The following HDAC9 variants were observed in gnomAD, a reference collection of about 807,000 sequenced individuals.
HDAC9 encodes the protein histone deacetylase 9.
In HDAC9, 41 loss-of-function variants were observed where a neutral mutation model predicts 139.4. The ratio of observed to expected loss-of-function variants is 0.29; its 90% confidence interval spans 0.23 to 0.38. The LOEUF (loss-of-function observed/expected upper bound fraction) is 0.38, where lower values mean the gene tolerates loss of function less well. Among genes scored for constraint, HDAC9 ranks in the 10% least tolerant of loss-of-function variants. HDAC9 has a pLI of 1.00. For synonymous variants in HDAC9, 517 were observed against 476.2 expected, an observed-to-expected ratio of 1.09 and a Z score of -1.12; for missense variants, 1,147 against 1,297.0, an observed-to-expected ratio of 0.88 and a Z score of 1.78.
chr7:18,219,826 A>G (rs935419103), intron 2 of HDAC9, among the ~76,000 whole-genome samples: 4 of 152,244 alleles, frequency 2.6e-5, no homozygotes, highest in Admixed American at 1.3e-4. Context: ...AAGTAAGTTT[A>G]ACAGTGAGAG....
chr7:18,285,791 G>C (rs1797407871), upstream of HDAC9, among the ~76,000 whole-genome samples: 1 of 152,034 alleles, frequency 6.6e-6, no homozygotes, highest in Non-Finnish European at 1.5e-5. Context: ...TCCAGTGGTA[G>C]TTTTTCTCAT....
chr7:18,890,556 T>C (rs1800592696), intron 22 of HDAC9, among the ~76,000 whole-genome samples: 1 of 152,244 alleles, frequency 6.6e-6, no homozygotes, highest in Non-Finnish European at 1.5e-5. Flanking sequence ...CTTCTTCATT[T>C]AGTAAGCATT....
chr7:18,579,724 C>G (rs1453435525), intron 2 of HDAC9, among the ~76,000 whole-genome samples: 1 of 151,972 alleles, frequency 6.6e-6, no homozygotes, highest in Non-Finnish European at 1.5e-5. Flanking sequence ...TTTATAGCAC[C>G]TTTTTCAGTG....
chr7:18,460,788 CAAAAA>C (rs750144894), intron 1 of HDAC9, among the ~76,000 whole-genome samples: 1 of 45,310 alleles, frequency 2.2e-5, no homozygotes, highest in Admixed American at 2.2e-4. Context: ...AACTCTGTCT[CAAAAA>C]AAAAAAAAAA....
In HDAC9 at chr7:18,998,992, A is replaced by C. The variant is rs559780335; in HGVS notation, c.*2930A>C. The stretch of plus-strand genomic sequence containing the variant: ...ATTAAATAGTAACCAAAATGGACTC[A>C]AATAAAACCAGAGGCTATGTTACCA... On this transcript the variant is annotated 3_prime_UTR_variant, in exon 26 of 26. Coordinates refer to ENST00000686413, the MANE Select transcript of HDAC9 (RefSeq NM_178425.4). 6.6e-6 allele frequency: 1 copy of C among 152,322 alleles called. No homozygotes were observed. Among genetic ancestry groups the C allele is most frequent in the East Asian group, 1.9e-4 (1 of 5,186 alleles). 9.4% of individuals were successfully genotyped at this position (152,322 alleles called of 1,614,324 possible).
At chr7:18,940,259 T>TAA (rs1781935729) in intron 23 of HDAC9, among the ~76,000 whole-genome samples, 1 of 152,214 alleles carries the variant, frequency 6.6e-6, no homozygotes, top group South Asian at 2.1e-4. Context: ...TTCTTCTTTT[T>TAA]AAATATCTTT....
intron 24 of HDAC9, among the ~76,000 whole-genome samples, chr7:18,963,590 AATAG>A (rs1380126078): frequency 2.6e-5 from 4 of 152,198 alleles, no homozygotes; most frequent in African/African-American, 4.8e-5. Flanking sequence ...AAATAATGAT[AATAG>A]ATAAAGAGTA....
In HDAC9 at chr7:18,105,834, C is replaced by G. The variant is rs189030568; in HGVS notation, c.-97+18621C>G. On this transcript the variant is annotated intron_variant, in intron 1 of 12. Transcript: ENST00000417496. Reference sequence around the variant, plus strand: ...AAAGTGGAAACAACCCAAATGTTTACCACCTGGTGAATAGATAAACAAAAT... The same window carrying G: ...AAAGTGGAAACAACCCAAATGTTTAGCACCTGGTGAATAGATAAACAAAAT... Among the ~76,000 whole-genome samples, 6 of 152,060 alleles carry G rather than the reference C, an allele frequency of 3.9e-5. No individual in the cohort carries two copies. In the South Asian group the frequency reaches 1.2e-3, roughly 32 times the overall value.
intron 1 of HDAC9, among the ~76,000 whole-genome samples, chr7:18,407,293 A>G (rs1018716703): frequency 2.6e-5 from 4 of 152,194 alleles, no homozygotes; most frequent in African/African-American, 9.7e-5. Flanking sequence ...CTTGGACCCA[A>G]GAGTCATTTG....
intron 1 of HDAC9, among the ~76,000 whole-genome samples, chr7:18,351,326 A>G (rs1002285883): frequency 1.3e-5 from 2 of 152,092 alleles, no homozygotes; most frequent in African/African-American, 4.8e-5. Flanking sequence ...ACTTGGTAAA[A>G]TTTGCAGTAA....
At chr7:18,260,903 G>T (rs530071948) in intron 2 of HDAC9, among the ~76,000 whole-genome samples, 47 of 152,190 alleles carry the variant, frequency 3.1e-4, no homozygotes, top group Non-Finnish European at 6.2e-4. Flanking sequence ...ATAAAGAGCT[G>T]TGTATGGAGA....
At chr7:18,480,742 T>G (rs1303475476) in intron 1 of HDAC9, among the ~76,000 whole-genome samples, 1 of 152,114 alleles carries the variant, frequency 6.6e-6, no homozygotes, top group African/African-American at 2.4e-5. Flanking sequence ...TAAAGTGATG[T>G]TGGTTCTTAA....
chr7:18,879,112 A>G (rs1366580373), intron 22 of HDAC9, among the ~76,000 whole-genome samples: 1 of 152,140 alleles, frequency 6.6e-6, no homozygotes, highest in Non-Finnish European at 1.5e-5. Flanking sequence ...GGGAGGTGAA[A>G]CATCTCTACA....
At chr7:18,809,904 G>A (rs1026950284) in intron 17 of HDAC9, among the ~76,000 whole-genome samples, 9 of 151,988 alleles carry the variant, frequency 5.9e-5, no homozygotes, top group Non-Finnish European at 1.3e-4. Context: ...GGATCTTCAA[G>A]TGTCATCTGC....
At position 18,767,134 on chromosome 7, in the gene HDAC9, A is replaced by G; in HGVS notation, c.2193A>G (p.Ser731=). 1.3e-6 allele frequency: 2 copies of G among 1,579,180 alleles called. No homozygotes were observed. The highest frequency in any genetic ancestry group is 1.7e-6 in the Non-Finnish European group (2 of 1,159,158). Residue 731 remains serine, a synonymous_variant, in exon 16 of 26, where the codon TCA becomes TCG. Coordinates refer to ENST00000686413, the MANE Select transcript of HDAC9 (RefSeq NM_178425.4). ...LGDDSQKFFS[S]LPCGGLGVDS... Reference sequence around the variant, plus strand: ...ATGACTCTCAAAAGTTTTTTTCCTCATTACCTTGTGGTGGACTTGGGGTAA... The same window carrying G: ...ATGACTCTCAAAAGTTTTTTTCCTCGTTACCTTGTGGTGGACTTGGGGTAA...
At chr7:18,554,258 C>G (rs140158078) in intron 2 of HDAC9, among the ~76,000 whole-genome samples, 1 of 146,514 alleles carries the variant, frequency 6.8e-6, no homozygotes, top group South Asian at 2.1e-4. Context: ...ACCATAAAAG[C>G]GAAGAAAAGA....
intron 22 of HDAC9, among the ~76,000 whole-genome samples, chr7:18,876,212 A>G (rs1249005526): frequency 6.6e-6 from 1 of 152,182 alleles, no homozygotes; most frequent in Non-Finnish European, 1.5e-5. Flanking sequence ...AGAGTATAAT[A>G]GCATCTTCAA....
At chr7:18,138,355 C>A (rs1358658671) in intron 1 of HDAC9, among the ~76,000 whole-genome samples, 1 of 151,992 alleles carries the variant, frequency 6.6e-6, no homozygotes, top group Non-Finnish European at 1.5e-5. Flanking sequence ...GCAAGGACAT[C>A]TTCTGCTGGT....
chr7:18,492,396 T>C (rs1341473133), upstream of HDAC9, among the ~76,000 whole-genome samples: 2 of 151,976 alleles, frequency 1.3e-5, no homozygotes, highest in African/African-American at 4.8e-5. Flanking sequence ...TTTTTTTTGC[T>C]TATATGTCTG....
Sources: allele counts gnomAD v4.1 joint callset (sites outside exome capture counted in the v4.1 genomes callset), GRCh38; gene constraint gnomAD v4.1.1; transcripts MANE v1.5; gene names NCBI Gene and HGNC (gene_info 2026-07-23, HGNC 2026-07-21).